The following RAF1 variants were observed in gnomAD, a reference collection of about 807,000 sequenced individuals.
The protein encoded by RAF1 is Raf-1 proto-oncogene, serine/threonine kinase.
RAF1 carries 27 observed loss-of-function variants against 81.1 expected under a neutral mutation model. The observed-to-expected ratio is 0.33, with a 90% CI of 0.25 to 0.46. RAF1 has a LOEUF of 0.46. Ranked by LOEUF, RAF1 falls within the 20% of genes least tolerant of loss-of-function variation. The pLI, the probability that RAF1 is intolerant of heterozygous loss-of-function variation, is 1.00. For synonymous variants in RAF1, 298 were observed against 294.0 expected (o/e 1.01, Z -0.14); for missense variants, 598 against 826.0 (o/e 0.72, Z 3.38).
rs2058412951 is a variant in RAF1, at chr3:12,588,826, C to CA, written c.1431-1190dup. On this transcript the variant is annotated intron_variant, in intron 13 of 17. Coordinates refer to ENST00000442415, the MANE Select transcript of RAF1 (RefSeq NM_001354689.3). Reference sequence around the variant, plus strand: ...AAATCTCAAGTTGAAATGTGATCCCCAGTGTTGGAGGTGGGACCTAAGTGG... The same window carrying CA: ...AAATCTCAAGTTGAAATGTGATCCCCAAGTGTTGGAGGTGGGACCTAAGTGG... 2 of 152,134 alleles carry CA rather than the reference C, an allele frequency of 1.3e-5. 1 individual carries two copies. The highest frequency in any genetic ancestry group is 4.1e-4 in the South Asian group (2 of 4,824). 9.4% of individuals were successfully genotyped at this position (152,134 alleles called of 1,614,324 possible).
intron 1 of RAF1, among the ~76,000 whole-genome samples, chr3:12,620,872 T>C (rs1427294034): frequency 3.3e-5 from 5 of 151,980 alleles, no homozygotes; most frequent in African/African-American, 1.2e-4. Context: ...TTAAAGTCCA[T>C]GAATTTTCTA....
chr3:12,652,180 C>T (rs2060552869), intron 1 of RAF1, among the ~76,000 whole-genome samples: 1 of 150,698 alleles, frequency 6.6e-6, no homozygotes, highest in Non-Finnish European at 1.5e-5. Flanking sequence ...CATGCCACTG[C>T]ACTCCAACCT....
intron 1 of RAF1, among the ~76,000 whole-genome samples, chr3:12,642,734 T>C (rs1216065861): frequency 7.1e-6 from 1 of 141,388 alleles, no homozygotes; most frequent in Non-Finnish European, 1.5e-5. Flanking sequence ...TAGCTGCGTA[T>C]GGTGGCATGG....
At chr3:12,653,258 G>C (rs1034951176) in intron 1 of RAF1, among the ~76,000 whole-genome samples, 1 of 152,122 alleles carries the variant, frequency 6.6e-6, no homozygotes, top group African/African-American at 2.4e-5. Flanking sequence ...CTCCAGCCTG[G>C]GTGACAGAGT....
chr3:12,629,032 C>A (rs977503178), intron 1 of RAF1, among the ~76,000 whole-genome samples: 2 of 152,102 alleles, frequency 1.3e-5, no homozygotes, highest in Non-Finnish European at 2.9e-5. Flanking sequence ...GCATGAGCTA[C>A]CACACCCAGC....
chr3:12,600,483 G>C, intron 8 of RAF1, 68 bp from the exon 8 acceptor site: 1 of 1,544,446 alleles, frequency 6.5e-7, no homozygotes, highest in Non-Finnish European at 8.9e-7. Context: ...AGGGAAAAAA[G>C]AGGAGGAGGA....
At chr3:12,635,449 CAA>C (rs2059992867) in intron 1 of RAF1, among the ~76,000 whole-genome samples, 13 of 148,262 alleles carry the variant, frequency 8.8e-5, no homozygotes, top group African/African-American at 2.7e-4. Flanking sequence ...CCAGCCTAGC[CAA>C]CATGGTGAAA....
intron 1 of RAF1, among the ~76,000 whole-genome samples, chr3:12,659,256 C>A (rs1331480825): frequency 6.6e-6 from 1 of 151,308 alleles, no homozygotes; most frequent in South Asian, 2.1e-4. Flanking sequence ...GGTGAAACCT[C>A]GTCTCTACTA....
At chr3:12,585,005 C>A in intron 16 of RAF1, 24 bp from the exon 16 acceptor site, 4 of 1,614,016 alleles carry the variant, frequency 2.5e-6, no homozygotes, top group Non-Finnish European at 3.4e-6. Flanking sequence ...AACAGCTGAG[C>A]TAATGGGGGG....
intron 1 of RAF1, among the ~76,000 whole-genome samples, chr3:12,623,567 G>A (rs960279229): frequency 1.3e-5 from 2 of 152,158 alleles, no homozygotes; most frequent in African/African-American, 2.4e-5. Context: ...GGAGGCCGAG[G>A]CAGATGGATC....
chr3:12,658,087 A>G (rs753407499), intron 1 of RAF1, among the ~76,000 whole-genome samples: 12 of 152,164 alleles, frequency 7.9e-5, no homozygotes, highest in Non-Finnish European at 1.8e-4. Flanking sequence ...TCTTTTTATT[A>G]CTGAGTAACA....
At chr3:12,651,526 CG>C (rs1342210526) in intron 1 of RAF1, among the ~76,000 whole-genome samples, 1 of 151,586 alleles carries the variant, frequency 6.6e-6, no homozygotes, top group African/African-American at 2.4e-5. Flanking sequence ...CCCAGCTACT[CG>C]GGAGGCTGAG....
chr3:12,645,128 G>A (rs1400959031), intron 1 of RAF1, among the ~76,000 whole-genome samples: 1 of 150,458 alleles, frequency 6.6e-6, no homozygotes, highest in African/African-American at 2.5e-5. Flanking sequence ...AAAATAAGGT[G>A]GCAGGACAAA....
chr3:12,606,348 C>G (rs2125407454), intron 5 of RAF1, 49 bp from the exon 6 acceptor site: 2 of 1,367,426 alleles, frequency 1.5e-6, no homozygotes, highest in Non-Finnish European at 2.1e-6. Context: ...AGTAATCTTA[C>G]AGAGACAATC....
chr3:12,624,021 A>AT (rs2059627683), intron 1 of RAF1, among the ~76,000 whole-genome samples: 1 of 151,564 alleles, frequency 6.6e-6, no homozygotes, highest in African/African-American at 2.4e-5. Context: ...CACCTGGCTA[A>AT]TTTTTGTATT....
At chr3:12,591,230 A>T (rs547046348) in intron 12 of RAF1, among the ~76,000 whole-genome samples, 2 of 152,234 alleles carry the variant, frequency 1.3e-5, no homozygotes, top group Admixed American at 6.5e-5. Flanking sequence ...TCTTTCATCA[A>T]TGTACACTCC....
chr3:12,661,344 A>G (rs921439032), intron 1 of RAF1, among the ~76,000 whole-genome samples: 1 of 152,152 alleles, frequency 6.6e-6, no homozygotes, highest in African/African-American at 2.4e-5. Flanking sequence ...CACATTCTAC[A>G]CTTTTTTTGA....
intron 11 of RAF1, among the ~76,000 whole-genome samples, chr3:12,596,194 C>T (rs1164092097): frequency 1.7e-5 from 2 of 117,290 alleles, no homozygotes; most frequent in South Asian, 3.1e-4. Flanking sequence ...ATTTTTCTTT[C>T]TTTTTTTTTT....
At chr3:12,634,543 G>A (rs536296554) in intron 1 of RAF1, among the ~76,000 whole-genome samples, 5 of 152,150 alleles carry the variant, frequency 3.3e-5, no homozygotes, top group East Asian at 1.9e-4. Flanking sequence ...GGAAAGAAGC[G>A]AAGGAAATCT....
Sources: gnomAD v4.1 joint callset for allele counts (sites outside exome capture counted in the v4.1 genomes callset) on GRCh38, gnomAD v4.1.1 for gene constraint, MANE v1.5 for transcripts, NCBI Gene and HGNC (gene_info 2026-07-23, HGNC 2026-07-21) for gene names.